TCP1: variants seen among roughly 807,000 people sequenced by gnomAD.
TCP1 encodes T-complex protein 1 subunit alpha.
Under a neutral mutation model 54.7 loss-of-function variants are expected in TCP1, and 6 were observed. The ratio of observed to expected loss-of-function variants is 0.11; its 90% CI spans 0.06 to 0.22. The LOEUF (loss-of-function observed/expected upper bound fraction) is 0.22. TCP1 is among the 10% of genes least tolerant of loss of function. The probability of loss-of-function intolerance (pLI) is 1.00; values close to 1 mark genes in which losing one functional copy is unlikely to be tolerated. For missense variants in TCP1, 511 were observed against 678.2 expected (o/e 0.75, Z 2.74); for synonymous variants, 225 against 229.7 (o/e 0.98, Z 0.19).
chr6:159,785,782 T>C (rs1780683473), intron 4 of TCP1, 118 bp downstream of exon 4: 1 of 914,080 alleles, frequency 1.1e-6, no homozygotes, highest in Admixed American at 2.0e-5. Context: ...ACTTAAATGC[T>C]AAAACATTTA....
In TCP1 at chr6:159,789,572, A is replaced by G. The variant is rs960470382; in HGVS notation, c.-104T>C. The G allele has an allele frequency of 2.3e-5, 31 of 1,367,422 alleles. No individual in the cohort carries two copies. Among genetic ancestry groups the G allele is most frequent in the Non-Finnish European group, 2.9e-5 (28 of 977,412 alleles). The allele number at this position is 1,367,422 out of a possible 1,614,324, so 84.7% of individuals were successfully genotyped here. A position where few individuals can be genotyped will look rare whatever the true frequency, so the allele number is the denominator to read the frequency against. Reference sequence around the variant, plus strand: ...CACAGCAGTGGCTGCGACGGCGTGGAGCGTACCCGAGCGATGTCCCAGGAG... The same window carrying G: ...CACAGCAGTGGCTGCGACGGCGTGGGGCGTACCCGAGCGATGTCCCAGGAG... On this transcript the variant is annotated 5_prime_UTR_variant, in exon 1 of 12. Coordinates refer to ENST00000321394, the MANE Select transcript of TCP1 (RefSeq NM_030752.3).
rs1780684863 is a variant in TCP1, at chr6:159,785,847, C to T, written c.377+53G>A. 5 of 1,350,942 alleles carry T rather than the reference C, an allele frequency of 3.7e-6. No individual in the cohort carries two copies. In the South Asian group the frequency reaches 5.9e-5, roughly 16 times the overall value. The allele number at this position is 1,350,942 out of a possible 1,614,324, so 83.7% of individuals were successfully genotyped here. On this transcript the variant is annotated intron_variant, in intron 4 of 11. Coordinates refer to ENST00000321394, the MANE Select transcript of TCP1 (RefSeq NM_030752.3). ...TATTAATCAAAACGTTAAGACAACACAGTTTACAACTATTACATCAAAAAA... is the reference window on the plus strand; with the variant it reads ...TATTAATCAAAACGTTAAGACAACATAGTTTACAACTATTACATCAAAAAA...
In TCP1 at chr6:159,778,642, C is replaced by A. The variant is rs1270715214; in HGVS notation, c.*403G>T. 3 of 1,611,840 alleles carry A rather than the reference C, an allele frequency of 1.9e-6. No individual in the cohort carries two copies. The highest frequency in any genetic ancestry group is 2.5e-6 in the Non-Finnish European group (3 of 1,178,446). Reference sequence around the variant, plus strand: ...CCACAGAAGAATAAACAATCTAAATCTTTTCTCCCCCGTTAGGTCAATATT... The same window carrying A: ...CCACAGAAGAATAAACAATCTAAATATTTTCTCCCCCGTTAGGTCAATATT... On this transcript the variant is annotated 3_prime_UTR_variant, in exon 12 of 12. Coordinates refer to ENST00000321394, the MANE Select transcript of TCP1 (RefSeq NM_030752.3).
intron 3 of TCP1, among the ~76,000 whole-genome samples, chr6:159,787,139 A>C (rs1780718800): frequency 6.6e-6 from 1 of 151,970 alleles, no homozygotes; most frequent in Non-Finnish European, 1.5e-5. Flanking sequence ...TGCAATCCCA[A>C]GCACTCTGGG....
chr6:159,785,166 G>A (rs1780663646), intron 5 of TCP1: 4 of 605,028 alleles, frequency 6.6e-6, no homozygotes, highest in Non-Finnish European at 1.2e-5. Flanking sequence ...TGATACTGCT[G>A]CTACTACGCA....
chr6:159,780,874 GACCT>G (rs1780560024), intron 8 of TCP1, 57 bp downstream of exon 8: 4 of 1,501,020 alleles, frequency 2.7e-6, no homozygotes, highest in Non-Finnish European at 3.5e-6. Flanking sequence ...AATGTAAAAA[GACCT>G]TTGATAGGAT....
At chr6:159,784,878 T>C (rs905889896) in intron 5 of TCP1, 31 bp from the exon 6 acceptor site, 2 of 1,611,998 alleles carry the variant, frequency 1.2e-6, no homozygotes, top group South Asian at 2.2e-5. Context: ...AGTAACAGGT[T>C]TGGAATGGAC....
chr6:159,782,388 A>G (rs1780597556), intron 7 of TCP1, among the ~76,000 whole-genome samples: 1 of 152,242 alleles, frequency 6.6e-6, no homozygotes, highest in Admixed American at 6.5e-5. Context: ...GAAAAAATAC[A>G]GGAAGTTACA....
Position 159,785,480 on chromosome 6 carries a change from T to A in TCP1, c.394A>T (p.Ile132Phe), listed in dbSNP as rs1412088171. ...GTGTTAACAATTAGGTTTTCATTGA[T>A]ATAACGCACTGCTTCCCTGTTTAAA... ...RLACKEAVRY[I>F]NENLIVNTDE... Residue 132 changes from isoleucine (I) to phenylalanine (F), a missense_variant, in exon 5 of 12, where the codon ATC becomes TTC. Ile to Phe is a conservative substitution (Grantham distance 21, BLOSUM62 0). This residue lies in a region of TCP1 where 305 missense variants were observed against 352.8 expected (regional missense o/e 0.86). Transcript: ENST00000321394. 6 of 1,613,410 alleles carry A rather than the reference T, an allele frequency of 3.7e-6. No homozygotes were observed.
Position 159,778,681 on chromosome 6 carries a change from T to C in TCP1, c.*364A>G. ...TAGGTCAATATTGAAGGAGGGGCTATAGCCTTGGGCCACCCTCTTGGAGCA... is the reference window on the plus strand; with the variant it reads ...TAGGTCAATATTGAAGGAGGGGCTACAGCCTTGGGCCACCCTCTTGGAGCA... On this transcript the variant is annotated 3_prime_UTR_variant, in exon 12 of 12. Transcript: ENST00000321394. 2 of 1,614,210 alleles carry C rather than the reference T, an allele frequency of 1.2e-6. No individual in the cohort carries two copies. The highest frequency in any genetic ancestry group is 1.7e-6 in the Non-Finnish European group (2 of 1,180,024).
chr6:159,786,604 CAA>C (rs1278960927), intron 3 of TCP1, among the ~76,000 whole-genome samples: 1 of 152,118 alleles, frequency 6.6e-6, no homozygotes, highest in African/African-American at 2.4e-5. Flanking sequence ...ATTTTTAAAG[CAA>C]AAAGACTGTC....
chr6:159,778,885 TG>T lies in TCP1; in HGVS notation c.*159del. ...TTTTTAAACTAATAAAGTACTAGGTTGCAATATGTGAAATCAGAGGACCAAA... is the reference window on the plus strand; with the variant it reads ...TTTTTAAACTAATAAAGTACTAGGTTCAATATGTGAAATCAGAGGACCAAA... On this transcript the variant is annotated 3_prime_UTR_variant, in exon 12 of 12. Coordinates refer to ENST00000321394, the MANE Select transcript of TCP1 (RefSeq NM_030752.3). 1 of 1,606,514 alleles carries T rather than the reference TG, an allele frequency of 6.2e-7. No individual in the cohort carries two copies. The highest frequency in any genetic ancestry group is 2.2e-5 in the East Asian group (1 of 44,786).
intron 11 of TCP1, 149 bp from the exon 12 acceptor site, chr6:159,779,410 G>A: frequency 1.0e-6 from 1 of 965,212 alleles, no homozygotes; most frequent in African/African-American, 1.7e-5. Context: ...AGCAGGGAGA[G>A]ATTAGCAATC....
At position 159,779,764 on chromosome 6, in the gene TCP1, T is replaced by C. The variant is rs1780526152; in HGVS notation, c.1317A>G (p.Ala439=). The C allele has an allele frequency of 6.2e-7, 1 of 1,607,550 alleles. No homozygotes were observed. Among genetic ancestry groups the C allele is most frequent in the African/African-American group, 1.3e-5 (1 of 74,418 alleles). The part of the protein sequence containing the change: ...SMGSREQLAI[A]EFARSLLVIP... ...TAACAAGAAGTGATCTTGCAAACTC[T>C]GCAATCGCAAGCTGTTCCCGAGACC... Residue 439 remains alanine (A), a synonymous_variant, in exon 11 of 12, where the codon GCA becomes GCG. Transcript: ENST00000321394.
At position 159,789,542 on chromosome 6, in the gene TCP1, G is replaced by A; in HGVS notation, c.-74C>T. On this transcript the variant is annotated 5_prime_UTR_variant, in exon 1 of 12. Coordinates refer to ENST00000321394, the MANE Select transcript of TCP1 (RefSeq NM_030752.3). ...AGTATCGCGGCCCCTCGGCCGACCG[G>A]CGACCACAGCAGTGGCTGCGACGGC... The A allele has an allele frequency of 3.2e-6, 5 of 1,569,136 alleles. No individual in the cohort carries two copies. The highest frequency in any genetic ancestry group is 4.4e-6 in the Non-Finnish European group (5 of 1,147,504).
At chr6:159,789,355 ACTCGGCC>A in intron 1 of TCP1, 43 bp downstream of exon 1, 1 of 1,605,134 alleles carries the variant, frequency 6.2e-7, no homozygotes, top group African/African-American at 1.3e-5. Flanking sequence ...TCGCGGTGGG[ACTCGGCC>A]CTCCCCGGCC....
chr6:159,785,866 C>CA (rs760866709), intron 4 of TCP1, 34 bp downstream of exon 4: 35 of 1,554,100 alleles, frequency 2.3e-5, no homozygotes, highest in Non-Finnish European at 2.9e-5. Flanking sequence ...ACTATTACAT[C>CA]AAAAAAAATT....
At chr6:159,781,481 G>A (rs1780574580) in intron 7 of TCP1, among the ~76,000 whole-genome samples, 1 of 152,168 alleles carries the variant, frequency 6.6e-6, no homozygotes, top group African/African-American at 2.4e-5. Context: ...GGACAATGAA[G>A]ATGAGTCCAG....
chr6:159,784,021 G>C lies in TCP1; in HGVS notation c.717C>G (p.Phe239Leu), dbSNP rs1562483783. The change falls in exon 7 of 12, where the codon TTC (phenylalanine) becomes TTG (leucine). Residue 239 changes from phenylalanine to leucine, a missense_variant. Physicochemically the swap from Phe to Leu is conservative, Grantham distance 22. This residue lies in a region of TCP1 where 305 missense variants were observed against 352.8 expected (regional missense o/e 0.86). Transcript: ENST00000321394. ...IVNAKIACLD[F>L]SLQKTKMKLG... ...GCTTCATTTTTGTTTTTTGCAGGCT[G>C]AAGTCAAGGCAAGCAATTTTTGCAT... 1 of 1,613,572 alleles carries C rather than the reference G, an allele frequency of 6.2e-7. No individual in the cohort carries two copies. The highest frequency in any genetic ancestry group is 8.5e-7 in the Non-Finnish European group (1 of 1,179,980).
Sources: gnomAD v4.1 joint callset for allele counts (sites outside exome capture counted in the v4.1 genomes callset) on GRCh38, gnomAD v4.1.1 for gene constraint, gnomAD v4.1.1 regional missense constraint, MANE v1.5 for transcripts, NCBI Gene and HGNC (gene_info 2026-07-23, HGNC 2026-07-21) for gene names.